Variants in SYBU observed in about 807,000 individuals in gnomAD.
SYBU encodes the protein syntabulin.
Under a neutral mutation model 35.9 loss-of-function variants are expected in SYBU, and 21 were observed. That is an observed-to-expected ratio of 0.58 (90% CI 0.41 to 0.84). The LOEUF (loss-of-function observed/expected upper bound fraction) is 0.84. Among genes scored for constraint, SYBU ranks in the 40% least tolerant of loss-of-function variants. SYBU has a pLI of 0.00. For missense variants in SYBU, 768 were observed against 848.2 expected (o/e 0.91, Z 1.17); for synonymous variants, 319 against 324.3 (o/e 0.98, Z 0.18).
At chr8:109,611,120 G>A (rs767844525) in intron 3 of SYBU, among the ~76,000 whole-genome samples, 2 of 152,160 alleles carry the variant, frequency 1.3e-5, no homozygotes, top group African/African-American at 2.4e-5. Flanking sequence ...TGATAAATAC[G>A]TTGAATGGTG....
intron 1 of SYBU, among the ~76,000 whole-genome samples, chr8:109,651,210 G>C (rs946497189): frequency 6.6e-6 from 1 of 152,184 alleles, no homozygotes; most frequent in Non-Finnish European, 1.5e-5. Context: ...AAAGTTGCTG[G>C]TGGGGAATTA....
chr8:109,586,197 A>G (rs746190020), intron 3 of SYBU, 35 bp from the exon 4 acceptor site: 1 of 1,492,310 alleles, frequency 6.7e-7, no homozygotes, highest in South Asian at 1.2e-5. Context: ...AGCGTGAGGG[A>G]AAGGAAACTA....
At position 109,577,914 on chromosome 8, in the gene SYBU, G is replaced by T. The variant is rs773076249; in HGVS notation, c.838C>A (p.His280Asn). The T allele has an allele frequency of 1.2e-6, 2 of 1,613,782 alleles. No individual in the cohort carries two copies. The highest frequency in any genetic ancestry group is 1.3e-5 in the African/African-American group (1 of 74,904). ...PLQQKEVTVR[H>N]LKTKLKESER... Reference sequence around the variant, plus strand: ...GATTCCTTCAGCTTGGTTTTGAGGTGTCTCACTGTCACCTCTTTCTGCTGC... The same window carrying T: ...GATTCCTTCAGCTTGGTTTTGAGGTTTCTCACTGTCACCTCTTTCTGCTGC... The change falls in exon 6 of 7, where the codon CAC (histidine) becomes AAC (asparagine). Residue 280 changes from histidine to asparagine, a missense_variant. By Grantham distance (68) the His-to-Asn change is moderately conservative (BLOSUM62 1). Transcript: ENST00000276646.
At chr8:109,591,670 C>A (rs1483053755) in intron 3 of SYBU, among the ~76,000 whole-genome samples, 3 of 150,672 alleles carry the variant, frequency 2.0e-5, no homozygotes, top group Non-Finnish European at 4.4e-5. Flanking sequence ...CGCCACCACG[C>A]CCGGCTAATT....
chr8:109,611,540 A>G (rs1010515650), intron 3 of SYBU, among the ~76,000 whole-genome samples: 1 of 152,192 alleles, frequency 6.6e-6, no homozygotes, highest in African/African-American at 2.4e-5. Flanking sequence ...GCCATAAAAC[A>G]TGATCTGCTG....
At chr8:109,621,989 G>A (rs955089470) in intron 2 of SYBU, among the ~76,000 whole-genome samples, 1 of 152,092 alleles carries the variant, frequency 6.6e-6, no homozygotes, top group Non-Finnish European at 1.5e-5. Flanking sequence ...GTCTTATTTA[G>A]GGCTCCTTCT....
chr8:109,581,118 C>G (rs937257105), intron 4 of SYBU: 1 of 152,234 alleles, frequency 6.6e-6, no homozygotes, highest in African/African-American at 2.4e-5. Flanking sequence ...TTGGACTTAT[C>G]ACATGGCGTC....
intron 1 of SYBU, among the ~76,000 whole-genome samples, chr8:109,652,923 C>T (rs868526970): frequency 1.4e-4 from 22 of 152,140 alleles, no homozygotes; most frequent in Admixed American, 6.5e-4. Context: ...AAAATACATG[C>T]GTGGTTCTAC....
chr8:109,655,102 A>T (rs1022051735), intron 1 of SYBU, among the ~76,000 whole-genome samples: 14 of 152,242 alleles, frequency 9.2e-5, no homozygotes, highest in African/African-American at 2.9e-4. Context: ...CCACTAATGC[A>T]TAGCTTACAA....
chr8:109,576,512 C>T (rs928934713), intron 6 of SYBU, among the ~76,000 whole-genome samples: 1 of 152,206 alleles, frequency 6.6e-6, no homozygotes, highest in Non-Finnish European at 1.5e-5. Flanking sequence ...GGCCAGTTCA[C>T]TTTTAATTAC....
intron 2 of SYBU, among the ~76,000 whole-genome samples, chr8:109,641,046 C>G (rs753415899): frequency 6.6e-6 from 1 of 152,168 alleles, no homozygotes; most frequent in Non-Finnish European, 1.5e-5. Flanking sequence ...ATGTGTTAAT[C>G]TTCAAGTTCC....
At chr8:109,688,654 C>G (rs1278332504) in intron 1 of SYBU, among the ~76,000 whole-genome samples, 1 of 149,838 alleles carries the variant, frequency 6.7e-6, no homozygotes, top group South Asian at 2.1e-4. Context: ...TTTTTTCTAT[C>G]CTATCCCGTC....
intron 3 of SYBU, chr8:109,586,407 T>C (rs1311222852): frequency 2.0e-6 from 1 of 488,848 alleles, no homozygotes; most frequent in Non-Finnish European, 3.6e-6. Flanking sequence ...GAGGCCAGTC[T>C]TCCTGCAGAC....
chr8:109,651,000 A>T (rs1816110514), intron 1 of SYBU, among the ~76,000 whole-genome samples: 1 of 152,206 alleles, frequency 6.6e-6, no homozygotes, highest in Non-Finnish European at 1.5e-5. Flanking sequence ...TGAAATTCTA[A>T]GTGGCATATG....
intron 1 of SYBU, among the ~76,000 whole-genome samples, chr8:109,658,718 C>T (rs148502425): frequency 0.019 from 2,953 of 152,250 alleles, 104 homozygotes; most frequent in African/African-American, 0.065. Context: ...TTTTAGAAGG[C>T]CAAGGTGGGC....
chr8:109,638,246 G>A (rs1223340131), intron 2 of SYBU, among the ~76,000 whole-genome samples: 2 of 152,132 alleles, frequency 1.3e-5, no homozygotes, highest in Admixed American at 6.5e-5. Flanking sequence ...AGGAATGCAC[G>A]GCATGCTGCT....
At chr8:109,690,886 T>A (rs1437915010) in intron 1 of SYBU, among the ~76,000 whole-genome samples, 1 of 152,184 alleles carries the variant, frequency 6.6e-6, no homozygotes, top group Non-Finnish European at 1.5e-5. Context: ...GACTTGGGAC[T>A]GTCTCCCTCT....
chr8:109,649,330 T>A (rs540060788), upstream of SYBU, among the ~76,000 whole-genome samples: 1 of 152,018 alleles, frequency 6.6e-6, no homozygotes, highest in Non-Finnish European at 1.5e-5. Flanking sequence ...ATGTGTGTTA[T>A]CATTACTATA....
In SYBU at chr8:109,579,875, G is replaced by A. The variant is rs751235115; in HGVS notation, c.658C>T (p.Pro220Ser). The change falls in exon 5 of 7, where the codon CCC becomes TCC. Residue 220 changes from proline to serine, a missense_variant. Transcript: ENST00000276646. Reference sequence around the variant, plus strand: ...CTTGGGGAAGAAGGTGCATAACTGGGATGGATATTGACAGGGCTCAGCTGA... The same window carrying A: ...CTTGGGGAAGAAGGTGCATAACTGGAATGGATATTGACAGGGCTCAGCTGA... ...RNQLSPVNIHPSYAPSSPSSS... is the reference protein window; with the variant it reads ...RNQLSPVNIHSSYAPSSPSSS... 2.5e-6 allele frequency: 4 copies of A among 1,614,114 alleles called. No individual in the cohort carries two copies. Among genetic ancestry groups the A allele is most frequent in the South Asian group, 1.1e-5 (1 of 91,082 alleles).
Sources: allele counts gnomAD v4.1 joint callset (sites outside exome capture counted in the v4.1 genomes callset), GRCh38; gene constraint gnomAD v4.1.1; transcripts MANE v1.5; gene names NCBI Gene and HGNC (gene_info 2026-07-23, HGNC 2026-07-21).